The following SLC20A2 variants were observed in gnomAD, a reference collection of about 807,000 sequenced individuals.
The protein encoded by SLC20A2 is solute carrier family 20 member 2, also known as sodium-dependent phosphate transporter 2.
In SLC20A2, 30 loss-of-function variants were observed where a neutral mutation model predicts 61.0. The ratio of observed to expected loss-of-function variants is 0.49; its 90% CI spans 0.37 to 0.67. The LOEUF is 0.67. Among genes scored for constraint, SLC20A2 ranks in the 30% least tolerant of loss-of-function variants. The probability of loss-of-function intolerance (pLI) is 0.00; values close to 1 mark genes in which losing one functional copy is unlikely to be tolerated. For synonymous variants in SLC20A2, 351 were observed against 353.3 expected (o/e 0.99, Z 0.07); for missense variants, 626 against 866.4 (o/e 0.72, Z 3.48).
chr8:42,479,689 G>A (rs899234449), intron 1 of SLC20A2, among the ~76,000 whole-genome samples: 2 of 152,080 alleles, frequency 1.3e-5, no homozygotes, highest in African/African-American at 2.4e-5. Context: ...AGCTGGCATG[G>A]CAGTGTGCAT....
In SLC20A2 at chr8:42,527,054, A is replaced by C. The variant is rs953370110; in HGVS notation, c.-265+14767T>G. Among the ~76,000 whole-genome samples, 7 of 150,664 alleles carry C rather than the reference A, an allele frequency of 4.6e-5. No homozygotes were observed. The East Asian group carries it at 1.2e-3, about 25-fold the overall frequency. ...TGAGAATCGAGGCTGCAGTGAGCTG[A>C]GTTCGTACCACTGCACTCCAGCCTG... On this transcript the variant is annotated intron_variant, in intron 1 of 10. Transcript: ENST00000342228.
intron 2 of SLC20A2, among the ~76,000 whole-genome samples, chr8:42,467,162 T>G (rs1317895002): frequency 6.6e-6 from 1 of 152,118 alleles, no homozygotes; most frequent in Non-Finnish European, 1.5e-5. Flanking sequence ...GAAATAACTA[T>G]GATATTTAAC....
chr8:42,431,544 T>G (rs28868988), intron 8 of SLC20A2, among the ~76,000 whole-genome samples: 25,341 of 152,224 alleles, frequency 0.17, 5,953 homozygotes, highest in African/African-American at 0.53. Flanking sequence ...AGAAGATCCA[T>G]CTAAGATCAC....
intron 1 of SLC20A2, among the ~76,000 whole-genome samples, chr8:42,528,256 T>A (rs534314147): frequency 6.6e-6 from 1 of 152,194 alleles, no homozygotes; most frequent in South Asian, 2.1e-4. Context: ...GGTCAGGAGA[T>A]CGAGACCATC....
intron 1 of SLC20A2, chr8:42,538,248 A>G (rs1812833909): frequency 6.7e-6 from 1 of 148,374 alleles, no homozygotes; most frequent in Non-Finnish European, 1.5e-5. Context: ...ATTATATATT[A>G]CATATATTAC....
intron 1 of SLC20A2, among the ~76,000 whole-genome samples, chr8:42,530,893 A>AT (rs779117176): frequency 2.0e-5 from 3 of 151,782 alleles, no homozygotes; most frequent in African/African-American, 4.8e-5. Flanking sequence ...TTTTCTTTGT[A>AT]TTTTTTAGTA....
chr8:42,509,425 G>A (rs1298282470), intron 1 of SLC20A2, among the ~76,000 whole-genome samples: 1 of 151,954 alleles, frequency 6.6e-6, no homozygotes, highest in African/African-American at 2.4e-5. Flanking sequence ...CAATAATTCT[G>A]CACTTGCTGA....
intron 1 of SLC20A2, among the ~76,000 whole-genome samples, chr8:42,527,262 G>C (rs1812027732): frequency 6.6e-6 from 1 of 151,682 alleles, no homozygotes; most frequent in Non-Finnish European, 1.5e-5. Flanking sequence ...AAATTAGCCG[G>C]GTGTGGTGGG....
intron 10 of SLC20A2, 131 bp downstream of exon 10, chr8:42,428,627 G>A (rs972251740): frequency 1.5e-6 from 1 of 674,488 alleles, no homozygotes; most frequent in East Asian, 3.0e-5. Flanking sequence ...AGGTCCCGGA[G>A]ACCTGGAGAA....
chr8:42,443,752 C>T (rs1055396467), intron 6 of SLC20A2, among the ~76,000 whole-genome samples: 1 of 152,180 alleles, frequency 6.6e-6, no homozygotes, highest in African/African-American at 2.4e-5. Context: ...CTGCCTTCTC[C>T]AACCCCCACC....
chr8:42,540,252 A>T (rs1338820595), intron 1 of SLC20A2, among the ~76,000 whole-genome samples: 1 of 152,256 alleles, frequency 6.6e-6, no homozygotes, highest in Non-Finnish European at 1.5e-5. Context: ...AGACAGTGCC[A>T]TTGCACTCCA....
At chr8:42,433,047 C>T (rs1803982748) in intron 8 of SLC20A2, among the ~76,000 whole-genome samples, 1 of 152,166 alleles carries the variant, frequency 6.6e-6, no homozygotes, top group African/African-American at 2.4e-5. Context: ...CCTATATAAT[C>T]TATTCATGGT....
At chr8:42,431,008 T>C (rs1049227949) in intron 8 of SLC20A2, among the ~76,000 whole-genome samples, 1 of 152,222 alleles carries the variant, frequency 6.6e-6, no homozygotes, top group African/African-American at 2.4e-5. Context: ...GATATTGCTA[T>C]ATTGAAATTA....
intron 1 of SLC20A2, among the ~76,000 whole-genome samples, chr8:42,489,084 T>C (rs973273746): frequency 5.3e-5 from 8 of 151,872 alleles, no homozygotes; most frequent in Non-Finnish European, 1.2e-4. Context: ...GGATTACAGA[T>C]GCCTGCTACC....
chr8:42,459,248 A>AAAAAAAAAAC (rs1806503419), intron 5 of SLC20A2, among the ~76,000 whole-genome samples: 2 of 149,688 alleles, frequency 1.3e-5, no homozygotes, highest in African/African-American at 5.0e-5. Flanking sequence ...AAAAAAAAAA[A>AAAAAAAAAAC]AAAAAAAAAA....
Position 42,468,601 on chromosome 8 carries a change from C to T in SLC20A2, c.290-2684G>A, listed in dbSNP as rs1025608945. 3.3e-5 allele frequency among the ~76,000 whole-genome samples: 5 copies of T among 152,098 alleles called. No individual in the cohort carries two copies. The East Asian group carries it at 9.6e-4, about 29-fold the overall frequency. On this transcript the variant is annotated intron_variant, in intron 2 of 10. Coordinates refer to ENST00000520262, the MANE Select transcript of SLC20A2 (RefSeq NM_001257180.2). ...TTTAATGTAAGATAATGGCATCTGA[C>T]AGAGGAAAGAGATGAAGCATGGGAT...
At chr8:42,455,569 A>G (rs1407715763) in intron 5 of SLC20A2, among the ~76,000 whole-genome samples, 1 of 151,630 alleles carries the variant, frequency 6.6e-6, no homozygotes, top group Non-Finnish European at 1.5e-5. Context: ...CTGAGGCAGG[A>G]GAATGGCATG....
Position 42,472,658 on chromosome 8 carries a change from T to C in SLC20A2, c.-264-4A>G, listed in dbSNP as rs1030242859. Reference sequence around the variant, plus strand: ...GGGAAAGCTGTGATGTCTCCTCCTGTAGCAGAAAGGAAACAAAAGAAATCA... The same window carrying C: ...GGGAAAGCTGTGATGTCTCCTCCTGCAGCAGAAAGGAAACAAAAGAAATCA... On this transcript the variant is annotated splice_region_variant and splice_polypyrimidine_tract_variant and intron_variant, in intron 1 of 10. Coordinates refer to ENST00000520262, the MANE Select transcript of SLC20A2 (RefSeq NM_001257180.2). The surrounding 1 kb of genome is among the most constrained non-coding windows in gnomAD (Gnocchi z 4.1). The C allele has an allele frequency of 1.2e-5, 5 of 401,532 alleles. No individual in the cohort carries two copies. Among genetic ancestry groups the C allele is most frequent in the South Asian group, 3.3e-5 (1 of 30,454 alleles). 24.9% of individuals were successfully genotyped at this position (401,532 alleles called of 1,614,324 possible).
At position 42,472,820 on chromosome 8, in the gene SLC20A2, C is replaced by T. The variant is rs1586142222; in HGVS notation, c.-264-166G>A. Among the ~76,000 whole-genome samples the T allele has an allele frequency of 6.6e-6, 1 of 152,144 alleles. No homozygotes were observed. The highest frequency in any genetic ancestry group is 2.4e-5 in the African/African-American group (1 of 41,444). On this transcript the variant is annotated intron_variant, in intron 1 of 10. Coordinates refer to ENST00000520262, the MANE Select transcript of SLC20A2 (RefSeq NM_001257180.2). The surrounding 1 kb of genome is among the most constrained non-coding windows in gnomAD (Gnocchi z 4.1). ...AAGATTATAATTAGGATAACCACCC[C>T]CAACCAAAAACACAAAAAAACCTGC...
Sources: gnomAD v4.1 joint callset for allele counts (sites outside exome capture counted in the v4.1 genomes callset) on GRCh38, gnomAD v4.1.1 for gene constraint, Gnocchi (gnomAD v3.1) non-coding constraint, MANE v1.5 for transcripts, NCBI Gene and HGNC (gene_info 2026-07-23, HGNC 2026-07-21) for gene names.